Variants in BCAS4 observed in about 807,000 individuals in gnomAD.
The protein encoded by BCAS4 is breast carcinoma amplified sequence 4.
In BCAS4, 9 loss-of-function variants were observed where a neutral mutation model predicts 15.7. That is an observed-to-expected ratio of 0.57 (90% CI 0.34 to 1.00). The LOEUF is 1.00. Among genes scored for constraint, BCAS4 ranks in the 50% least tolerant of loss-of-function variants. The pLI is 0.02. For synonymous variants in BCAS4, 101 were observed against 99.5 expected, an observed-to-expected ratio of 1.02 and a Z score of -0.09; for missense variants, 225 against 239.1, an observed-to-expected ratio of 0.94 and a Z score of 0.39.
At chr20:50,796,487 A>ATGTTTTTTTTTTTTTT (rs1340447923) in intron 1 of BCAS4, among the ~76,000 whole-genome samples, 1 of 6,778 alleles carries the variant, frequency 1.5e-4, no homozygotes, top group African/African-American at 4.9e-4. Context: ...ATATATATAT[A>ATGTTTTTTTTTTTTTT]TTTTTTTTTT....
At chr20:50,858,201 G>A (rs1361897442) in intron 4 of BCAS4, among the ~76,000 whole-genome samples, 2 of 152,190 alleles carry the variant, frequency 1.3e-5, no homozygotes, top group African/African-American at 4.8e-5. Flanking sequence ...ATCCATGGGT[G>A]CTTGAGTCTC....
At chr20:50,817,103 A>AT (rs757281364) in intron 1 of BCAS4, among the ~76,000 whole-genome samples, 4,354 of 143,502 alleles carry the variant, frequency 0.03, 156 homozygotes, top group African/African-American at 0.089. Context: ...ACCTGGGCTA[A>AT]TTTTTTTTTT....
chr20:50,864,548 C>T (rs1035891598), intron 4 of BCAS4, among the ~76,000 whole-genome samples: 1 of 151,156 alleles, frequency 6.6e-6, no homozygotes, highest in African/African-American at 2.4e-5. Context: ...AAGAGATTCT[C>T]CTGCCTCAGC....
intron 4 of BCAS4, among the ~76,000 whole-genome samples, chr20:50,842,356 A>C (rs2088495152): frequency 6.6e-6 from 1 of 152,106 alleles, no homozygotes; most frequent in Admixed American, 6.5e-5. Context: ...TCTCTTCCTC[A>C]TCTCTCCTCT....
intron 3 of BCAS4, among the ~76,000 whole-genome samples, chr20:50,841,479 C>T (rs2088481056): frequency 6.6e-6 from 1 of 152,146 alleles, no homozygotes; most frequent in African/African-American, 2.4e-5. Context: ...GAGCAGGTGA[C>T]CCAGCCTCTC....
At chr20:50,827,026 A>G (rs1175383466) in intron 2 of BCAS4, among the ~76,000 whole-genome samples, 1 of 152,086 alleles carries the variant, frequency 6.6e-6, no homozygotes, top group South Asian at 2.1e-4. Flanking sequence ...AAACAAACAA[A>G]CAAAAAAAAC....
the BCAS4 span, chr20:50,882,601 A>T: frequency 2.0e-5 from 3 of 152,224 alleles, no homozygotes; most frequent in Non-Finnish European, 4.4e-5. Context: ...AAGTTTTGAT[A>T]TTTTGGTGTT....
chr20:50,810,660 G>A (rs1039941238), intron 1 of BCAS4, among the ~76,000 whole-genome samples: 2 of 149,294 alleles, frequency 1.3e-5, no homozygotes, highest in Admixed American at 6.8e-5. Flanking sequence ...GCGCGATCTC[G>A]GCTCACTGCA....
chr20:50,819,018 A>G lies in BCAS4; in HGVS notation c.162+736A>G, dbSNP rs191168717. Among the ~76,000 whole-genome samples, 194 of 152,226 alleles carry G rather than the reference A, an allele frequency of 1.3e-3. 2 individuals carry two copies. Among genetic ancestry groups the G allele is most frequent in the Middle Eastern group, 3.4e-3 (1 of 294 alleles). On this transcript the variant is annotated intron_variant, in intron 2 of 4. Transcript: ENST00000371608. ...ACCAACATGGTGAAACCCTGCCTCT[A>G]CCAAAAATACAAAAATTAGCCGGGT...
intron 1 of BCAS4, among the ~76,000 whole-genome samples, chr20:50,805,546 T>G (rs1215181680): frequency 6.6e-5 from 10 of 152,176 alleles, no homozygotes; most frequent in African/African-American, 1.7e-4. Context: ...CCCATTTAAA[T>G]AGGGCCTGGG....
intron 4 of BCAS4, among the ~76,000 whole-genome samples, chr20:50,863,404 C>A (rs139700298): frequency 6.6e-6 from 1 of 151,572 alleles, no homozygotes; most frequent in Non-Finnish European, 1.5e-5. Flanking sequence ...ATTACAGGTG[C>A]GTGCCACTAT....
intron 4 of BCAS4, among the ~76,000 whole-genome samples, chr20:50,873,414 C>A (rs1979754926): frequency 6.6e-6 from 1 of 152,214 alleles, no homozygotes; most frequent in African/African-American, 2.4e-5. Flanking sequence ...AGAAGAAGGG[C>A]CGTGTCTTTT....
chr20:50,858,076 T>G (rs1978860541), intron 4 of BCAS4, among the ~76,000 whole-genome samples: 4 of 152,162 alleles, frequency 2.6e-5, no homozygotes, highest in Admixed American at 1.3e-4. Flanking sequence ...TGGGCCAGGC[T>G]TAACTCTGCT....
intron 4 of BCAS4, among the ~76,000 whole-genome samples, chr20:50,866,934 G>T (rs535702995): frequency 2.0e-5 from 3 of 152,284 alleles, no homozygotes; most frequent in Admixed American, 6.5e-5. Flanking sequence ...GTCCCATCGC[G>T]GGCCGGGCAC....
At chr20:50,797,976 T>C (rs1161252961) in intron 1 of BCAS4, among the ~76,000 whole-genome samples, 1 of 151,862 alleles carries the variant, frequency 6.6e-6, no homozygotes, top group Admixed American at 6.6e-5. Context: ...CCTACGCAAT[T>C]TTTAGTGTTC....
chr20:50,832,877 C>T (rs916988236), intron 3 of BCAS4: 6 of 152,216 alleles, frequency 3.9e-5, no homozygotes, highest in Admixed American at 1.3e-4. Flanking sequence ...CCTCCCATTC[C>T]AAGATCCTTA....
intron 3 of BCAS4, among the ~76,000 whole-genome samples, chr20:50,837,862 C>T (rs562794590): frequency 2.2e-4 from 33 of 152,342 alleles, no homozygotes; most frequent in African/African-American, 6.7e-4. Context: ...GAAGGGGAGT[C>T]GGCACTTTCG....
intron 4 of BCAS4, chr20:50,875,855 C>T (rs1244170306): frequency 2.3e-6 from 1 of 431,240 alleles, no homozygotes; most frequent in East Asian, 7.1e-5. Context: ...CCCTGCAGAG[C>T]TGTCACGTGT....
chr20:50,815,377 T>G (rs1124101), intron 1 of BCAS4, among the ~76,000 whole-genome samples: 33,615 of 151,902 alleles, frequency 0.22, 5,195 homozygotes, highest in African/African-American at 0.45. Context: ...CTGCGTTGTG[T>G]GCACCTGCAC....
Sources: allele counts gnomAD v4.1 joint callset (sites outside exome capture counted in the v4.1 genomes callset), GRCh38; gene constraint gnomAD v4.1.1; transcripts MANE v1.5; gene names NCBI Gene and HGNC (gene_info 2026-07-23, HGNC 2026-07-21).